GLRA3: variants seen among roughly 807,000 people sequenced by gnomAD.
GLRA3 encodes glycine receptor subunit alpha-3.
A neutral mutation model predicts 60.4 loss-of-function variants in GLRA3; 44 were observed. The observed-to-expected ratio is 0.73, with a 90% CI of 0.57 to 0.94. The LOEUF is 0.94. Among genes scored for constraint, GLRA3 ranks in the 40% least tolerant of loss-of-function variants. The probability of loss-of-function intolerance (pLI) is 0.00; values close to 1 mark genes in which losing one functional copy is unlikely to be tolerated. For synonymous variants in GLRA3, 223 were observed against 192.9 expected, an observed-to-expected ratio of 1.16 and a Z score of -1.29; for missense variants, 508 against 564.6, an observed-to-expected ratio of 0.90 and a Z score of 1.02.
At chr4:174,787,391 G>A (rs1246640979) in intron 2 of GLRA3, among the ~76,000 whole-genome samples, 1 of 152,052 alleles carries the variant, frequency 6.6e-6, no homozygotes, top group Admixed American at 6.6e-5. Flanking sequence ...TATTTTTGAA[G>A]ATCAACTACT....
At chr4:174,798,787 G>A (rs1739680134) in intron 1 of GLRA3, among the ~76,000 whole-genome samples, 1 of 152,180 alleles carries the variant, frequency 6.6e-6, no homozygotes, top group East Asian at 1.9e-4. Context: ...AGCTGGGTGT[G>A]GTGGTGAGCG....
At chr4:174,761,370 C>G (rs920467667) in intron 3 of GLRA3, among the ~76,000 whole-genome samples, 1 of 151,948 alleles carries the variant, frequency 6.6e-6, no homozygotes, top group African/African-American at 2.4e-5. Context: ...AAATGTGAGC[C>G]TATCATTTGT....
chr4:174,777,828 C>A (rs998072818), intron 2 of GLRA3, among the ~76,000 whole-genome samples: 1 of 152,110 alleles, frequency 6.6e-6, no homozygotes, highest in Admixed American at 6.5e-5. Context: ...ACTTTCCAAT[C>A]AATTATTCTG....
chr4:174,796,118 G>C (rs1455154732), intron 1 of GLRA3, among the ~76,000 whole-genome samples: 1 of 152,082 alleles, frequency 6.6e-6, no homozygotes, highest in South Asian at 2.1e-4. Context: ...TTTGGGAGGA[G>C]ATTCGGTCAT....
Position 174,805,286 on chromosome 4 carries a change from C to T in GLRA3, c.72-16343G>A, listed in dbSNP as rs116042831. On this transcript the variant is annotated intron_variant, in intron 1 of 9. Transcript: ENST00000274093. ...TTTGCACTCCTCTCTTCAAAGAGTG[C>T]TGTTCAATTTCCCTCCTCTTGAAAT... 2.4e-3 allele frequency among the ~76,000 whole-genome samples: 372 copies of T among 152,186 alleles called. 2 individuals are homozygous for T. The highest frequency in any genetic ancestry group is 8.4e-3 in the African/African-American group (350 of 41,528).
intron 2 of GLRA3, among the ~76,000 whole-genome samples, chr4:174,772,143 C>T (rs977551451): frequency 1.3e-5 from 2 of 152,140 alleles, no homozygotes; most frequent in African/African-American, 4.8e-5. Flanking sequence ...GGATGAAATA[C>T]AGAAAATAAC....
chr4:174,657,275 T>C (rs1002590793), intron 8 of GLRA3, among the ~76,000 whole-genome samples: 1 of 152,202 alleles, frequency 6.6e-6, no homozygotes, highest in Admixed American at 6.5e-5. Flanking sequence ...CTTTTTCTAC[T>C]GGATATTATG....
rs1732548924 is a variant in GLRA3 at position 174,638,315 on chromosome 4, CAG to C, written c.*5469_*5470del. 6.6e-6 allele frequency: 1 copy of C among 152,116 alleles called. No homozygotes were observed. Among genetic ancestry groups the C allele is most frequent in the African/African-American group, 2.4e-5 (1 of 41,428 alleles). 9.4% of individuals were successfully genotyped at this position (152,116 alleles called of 1,614,324 possible). On this transcript the variant is annotated 3_prime_UTR_variant, in exon 10 of 10. Coordinates refer to ENST00000274093, the MANE Select transcript of GLRA3 (RefSeq NM_006529.4). ...TTTGTCTGTCTGTTTGTTTGTGAGA[CAG>C]AGTCTCACTCTGTCACCCAGTTTGG... is the stretch of plus-strand genomic sequence containing the variant.
intron 3 of GLRA3, 37 bp from the exon 4 acceptor site, chr4:174,728,735 C>G (rs751952950): frequency 2.3e-6 from 3 of 1,327,776 alleles, no homozygotes; most frequent in South Asian, 2.6e-5. Flanking sequence ...AAAAAAAAAC[C>G]CTGCTTTAAA....
chr4:174,657,878 G>A (rs1733273873), intron 8 of GLRA3, among the ~76,000 whole-genome samples: 1 of 152,134 alleles, frequency 6.6e-6, no homozygotes, highest in Non-Finnish European at 1.5e-5. Flanking sequence ...TCCCGATGCT[G>A]AATGCTGATG....
rs145549334 is a variant in GLRA3, at chr4:174,740,811, C to A, written c.268-12113G>T. On this transcript the variant is annotated intron_variant, in intron 3 of 9. Transcript: ENST00000274093. Reference sequence around the variant, plus strand: ...TCAAAGCCAGTGATGCCTTCTTCATCCTCATTGTTTTGCCTTTTCTAGAAT... The same window carrying A: ...TCAAAGCCAGTGATGCCTTCTTCATACTCATTGTTTTGCCTTTTCTAGAAT... 8.7e-4 allele frequency among the ~76,000 whole-genome samples: 132 copies of A among 152,288 alleles called. 9 individuals are homozygous for A. The East Asian group carries it at 0.011, about 13-fold the overall frequency.
In GLRA3 at chr4:174,788,924, T is replaced by A. The variant is rs770097482; in HGVS notation, c.91A>T (p.Thr31Ser). 5 of 1,596,844 alleles carry A rather than the reference T, an allele frequency of 3.1e-6. No homozygotes were observed. Among genetic ancestry groups the A allele is most frequent in the Non-Finnish European group, 4.3e-6 (5 of 1,172,142 alleles). Residue 31 changes from threonine to serine, a missense_variant, in exon 2 of 10, where the codon ACA becomes TCA. By Grantham distance (58) the Thr-to-Ser change is moderately conservative. Around this residue, in one of 3 missense-constraint regions of GLRA3, gnomAD observed 329 missense variants for 349.3 expected, o/e 0.94. Coordinates refer to ENST00000274093, the MANE Select transcript of GLRA3 (RefSeq NM_006529.4). ...GCACTTCGAGATCTTGCACTGTCTG[T>A]TTCCTTTGTGGCAACCAAACTACAA... is the stretch of plus-strand genomic sequence containing the variant. The part of the protein sequence containing the change: ...LLLSLVATKE[T>S]DSARSRSAPM...
intron 3 of GLRA3, among the ~76,000 whole-genome samples, chr4:174,763,416 T>C (rs1291119399): frequency 6.6e-6 from 1 of 152,196 alleles, no homozygotes; most frequent in African/African-American, 2.4e-5. Flanking sequence ...CAAAACATTT[T>C]ACAAAACTTT....
At chr4:174,784,032 G>A (rs930684551) in intron 2 of GLRA3, among the ~76,000 whole-genome samples, 40 of 150,110 alleles carry the variant, frequency 2.7e-4, no homozygotes, top group African/African-American at 9.6e-4. Flanking sequence ...TATGTTTATT[G>A]CGGCATTATT....
At chr4:174,736,317 C>A (rs7666760) in intron 3 of GLRA3, among the ~76,000 whole-genome samples, 6,860 of 151,894 alleles carry the variant, frequency 0.045, 381 homozygotes, top group African/African-American at 0.13. Flanking sequence ...TTTAAAAAAT[C>A]GTGATCAAAT....
At chr4:174,702,994 GC>G (rs1554013964) in intron 5 of GLRA3, among the ~76,000 whole-genome samples, 2 of 151,982 alleles carry the variant, frequency 1.3e-5, no homozygotes, top group Non-Finnish European at 2.9e-5. Flanking sequence ...CCTTACTCAC[GC>G]CCAGTGCTAA....
chr4:174,809,351 A>C (rs1740172957), intron 1 of GLRA3, among the ~76,000 whole-genome samples: 1 of 152,162 alleles, frequency 6.6e-6, no homozygotes, highest in African/African-American at 2.4e-5. Flanking sequence ...TAACTGTATC[A>C]CCTAACAATG....
At chr4:174,690,266 T>C (rs964933623) in intron 5 of GLRA3, among the ~76,000 whole-genome samples, 1 of 152,248 alleles carries the variant, frequency 6.6e-6, no homozygotes, top group Non-Finnish European at 1.5e-5. Context: ...TAGACTTTTA[T>C]ATTTCAGATT....
At chr4:174,733,407 CCTT>C (rs1002002758) in intron 3 of GLRA3, among the ~76,000 whole-genome samples, 2 of 152,102 alleles carry the variant, frequency 1.3e-5, no homozygotes, top group South Asian at 2.1e-4. Context: ...CTTAAAAAAT[CCTT>C]CTGGCTGTGA....
Sources: allele counts gnomAD v4.1 joint callset (sites outside exome capture counted in the v4.1 genomes callset), GRCh38; gene constraint gnomAD v4.1.1; regional missense constraint gnomAD v4.1.1; transcripts MANE v1.5; gene names NCBI Gene and HGNC (gene_info 2026-07-23, HGNC 2026-07-21).